The following PTPRD variants were observed in gnomAD, a reference collection of about 807,000 sequenced individuals.
The protein encoded by PTPRD is receptor-type tyrosine-protein phosphatase delta.
A neutral mutation model predicts 214.5 loss-of-function variants in PTPRD; 34 were observed. The ratio of observed to expected loss-of-function variants is 0.16; its 90% CI spans 0.12 to 0.21. The LOEUF (loss-of-function observed/expected upper bound fraction) is 0.21, where lower values mean the gene tolerates loss of function less well. Ranked by LOEUF, PTPRD falls within the 10% of genes least tolerant of loss-of-function variation. The pLI is 1.00. For synonymous variants in PTPRD, 1,128 were observed against 845.7 expected (o/e 1.33, Z -5.79); for missense variants, 2,545 against 2,398.7 (o/e 1.06, Z -1.27).
rs534924239 is a variant in PTPRD, at chr9:8,722,570, C to T, written c.64+11210G>A. 4.5e-4 allele frequency among the ~76,000 whole-genome samples: 68 copies of T among 152,020 alleles called. No homozygotes were observed. The South Asian group carries it at 0.014, about 32-fold the overall frequency. On this transcript the variant is annotated intron_variant, in intron 12 of 45. Transcript: ENST00000381196. ...TAAAAAGCTTTAATCTATATAGGGA[C>T]TTCAACAAATCACTTAGGAATCCTA...
chr9:10,271,499 G>A (rs181062961), intron 3 of PTPRD, among the ~76,000 whole-genome samples: 3 of 149,654 alleles, frequency 2.0e-5, no homozygotes, highest in East Asian at 2.0e-4. Context: ...AAATTAATAA[G>A]CATCACTAAC....
At chr9:10,494,964 A>G (rs1054473548) in intron 2 of PTPRD, among the ~76,000 whole-genome samples, 1 of 151,740 alleles carries the variant, frequency 6.6e-6, no homozygotes, top group Admixed American at 6.6e-5. Flanking sequence ...ATCATCACTA[A>G]AAATCTGTCT....
chr9:9,267,633 A>T (rs1465991245), intron 9 of PTPRD, among the ~76,000 whole-genome samples: 1 of 151,264 alleles, frequency 6.6e-6, no homozygotes, highest in Non-Finnish European at 1.5e-5. Flanking sequence ...ATTCTCAAAA[A>T]TTACCAGCAA....
chr9:10,427,063 T>G (rs967764095), intron 2 of PTPRD, among the ~76,000 whole-genome samples: 1 of 152,076 alleles, frequency 6.6e-6, no homozygotes, highest in Non-Finnish European at 1.5e-5. Context: ...GGTATTGTTT[T>G]TCTTTTAATT....
intron 10 of PTPRD, among the ~76,000 whole-genome samples, chr9:9,113,066 GT>G (rs1250424552): frequency 6.6e-6 from 1 of 151,618 alleles, no homozygotes; most frequent in Non-Finnish European, 1.5e-5. Flanking sequence ...CTGGACCCAA[GT>G]GATCCTCCTC....
At chr9:8,928,410 T>C (rs1402108034) in intron 11 of PTPRD, among the ~76,000 whole-genome samples, 2 of 152,184 alleles carry the variant, frequency 1.3e-5, no homozygotes, top group Admixed American at 6.6e-5. Context: ...CAGTTTCAGT[T>C]TTCTGCATAT....
At chr9:8,564,458 A>G (rs12348902) in intron 14 of PTPRD, among the ~76,000 whole-genome samples, 71,884 of 151,828 alleles carry the variant, frequency 0.47, 17,986 homozygotes, top group African/African-American at 0.66. Flanking sequence ...CAGCACTTTG[A>G]GAAGCTGGAG....
At chr9:9,827,658 G>A (rs1015065424) in intron 5 of PTPRD, among the ~76,000 whole-genome samples, 13 of 151,986 alleles carry the variant, frequency 8.6e-5, no homozygotes, top group African/African-American at 3.1e-4. Flanking sequence ...CTGATAAACG[G>A]GATCTAATTA....
intron 11 of PTPRD, among the ~76,000 whole-genome samples, chr9:8,878,070 C>A (rs2154214928): frequency 6.6e-6 from 1 of 152,282 alleles, no homozygotes; most frequent in East Asian, 1.9e-4. Flanking sequence ...AGATAAAGTG[C>A]TTTACAGCCC....
intron 7 of PTPRD, among the ~76,000 whole-genome samples, chr9:9,683,594 A>C (rs1345234874): frequency 1.3e-5 from 2 of 151,750 alleles, no homozygotes. Flanking sequence ...GGGGACTAAT[A>C]AGAATTTCAA....
chr9:10,155,532 C>T (rs2099087512), intron 3 of PTPRD, among the ~76,000 whole-genome samples: 2 of 152,122 alleles, frequency 1.3e-5, no homozygotes, highest in South Asian at 2.1e-4. Flanking sequence ...TGACAGTTTT[C>T]AAGGGGAATG....
chr9:9,934,386 A>ATATATATTTTATATATATAATAT (rs1465214316), intron 5 of PTPRD, among the ~76,000 whole-genome samples: 1 of 146,660 alleles, frequency 6.8e-6, no homozygotes, highest in East Asian at 2.1e-4. Flanking sequence ...AAAAATGATA[A>ATATATATTTTATATATATAATAT]AGGGGATATC....
chr9:9,128,945 A>G (rs566775731), intron 10 of PTPRD, among the ~76,000 whole-genome samples: 1 of 152,342 alleles, frequency 6.6e-6, no homozygotes, highest in South Asian at 2.1e-4. Flanking sequence ...GACTTATGAA[A>G]GTCATAATAA....
Position 8,317,819 on chromosome 9 carries a change from G to C in PTPRD, c.*55C>G. 6.6e-7 allele frequency: 1 copy of C among 1,526,122 alleles called. No individual in the cohort carries two copies. The highest frequency in any genetic ancestry group is 1.1e-5 in the South Asian group (1 of 89,286). 94.5% of individuals were successfully genotyped at this position (1,526,122 alleles called of 1,614,324 possible). On this transcript the variant is annotated 3_prime_UTR_variant, in exon 46 of 46. Coordinates refer to ENST00000381196, the MANE Select transcript of PTPRD (RefSeq NM_002839.4). ...CAAGTGCCCTGTATGGCTCAGAAGAGACTCCATGGATATTGAAGGGCCTGT... is the reference window on the plus strand; with the variant it reads ...CAAGTGCCCTGTATGGCTCAGAAGACACTCCATGGATATTGAAGGGCCTGT...
At chr9:9,069,495 T>C (rs2099740605) in intron 10 of PTPRD, among the ~76,000 whole-genome samples, 1 of 152,204 alleles carries the variant, frequency 6.6e-6, no homozygotes, top group Admixed American at 6.5e-5. Context: ...ACTGACAGAA[T>C]GTAGTGAGCA....
intron 11 of PTPRD, among the ~76,000 whole-genome samples, chr9:8,947,097 T>G (rs1282504892): frequency 2.0e-5 from 3 of 151,132 alleles, no homozygotes; most frequent in Non-Finnish European, 2.9e-5. Flanking sequence ...CCTTTAAATG[T>G]TCTTTATTAT....
intron 12 of PTPRD, among the ~76,000 whole-genome samples, chr9:8,658,648 G>T (rs529651851): frequency 6.3e-4 from 91 of 145,170 alleles, no homozygotes; most frequent in African/African-American, 2.2e-3. Context: ...ATTTTGTGCA[G>T]CATCTAGATA....
Position 9,608,626 on chromosome 9 carries a change from G to A in PTPRD, c.-286-33845C>T, listed in dbSNP as rs1009247308. ...ATGTCATCCTTGAGGTTGTGGAGAT[G>A]ATCAAACACTGCTTCATTCTGGCAT... On this transcript the variant is annotated intron_variant, in intron 7 of 45. Coordinates refer to ENST00000381196, the MANE Select transcript of PTPRD (RefSeq NM_002839.4). Among the ~76,000 whole-genome samples the A allele has an allele frequency of 2.0e-5, 3 of 152,184 alleles. No homozygotes were observed. The South Asian group carries it at 6.2e-4, about 31-fold the overall frequency.
chr9:9,553,654 C>T (rs2080858239), intron 8 of PTPRD, among the ~76,000 whole-genome samples: 1 of 151,912 alleles, frequency 6.6e-6, no homozygotes, highest in Admixed American at 6.6e-5. Context: ...TTTTTCTTTA[C>T]TGAAAAGTAA....
Sources: gnomAD v4.1 joint callset for allele counts (sites outside exome capture counted in the v4.1 genomes callset) on GRCh38, gnomAD v4.1.1 for gene constraint, MANE v1.5 for transcripts, NCBI Gene and HGNC (gene_info 2026-07-23, HGNC 2026-07-21) for gene names.